CYRIB: variants seen among roughly 807,000 people sequenced by gnomAD.
CYRIB encodes CYFIP related Rac1 interactor B, also known as CYFIP-related Rac1 interactor B.
Under a neutral mutation model 44.2 loss-of-function variants are expected in CYRIB, and 8 were observed. The ratio of observed to expected loss-of-function variants is 0.18; its 90% CI spans 0.11 to 0.33. CYRIB has a LOEUF of 0.33. Among genes scored for constraint, CYRIB ranks in the 10% least tolerant of loss-of-function variants. The pLI, the probability that CYRIB is intolerant of heterozygous loss-of-function variation, is 1.00. For synonymous variants in CYRIB, 131 were observed against 127.2 expected, an observed-to-expected ratio of 1.03 and a Z score of -0.20; for missense variants, 185 against 382.8, an observed-to-expected ratio of 0.48 and a Z score of 4.31.
chr8:129,859,874 G>A (rs2048402398), intron 5 of CYRIB, among the ~76,000 whole-genome samples: 1 of 152,224 alleles, frequency 6.6e-6, no homozygotes, highest in South Asian at 2.1e-4. Flanking sequence ...CGTGTCCTCG[G>A]TCTCTTGCCT....
At chr8:129,868,050 A>G (rs2054806632) in intron 4 of CYRIB, among the ~76,000 whole-genome samples, 1 of 152,216 alleles carries the variant, frequency 6.6e-6, no homozygotes, top group Non-Finnish European at 1.5e-5. Context: ...GCTTTTTTAT[A>G]GGTAGAATAG....
At chr8:129,913,987 T>C (rs1212478698) in intron 1 of CYRIB, among the ~76,000 whole-genome samples, 1 of 152,202 alleles carries the variant, frequency 6.6e-6, no homozygotes, top group Non-Finnish European at 1.5e-5. Flanking sequence ...GTTTTATCCT[T>C]TTCTCCAATT....
chr8:129,883,024 C>T (rs746028498), intron 2 of CYRIB, among the ~76,000 whole-genome samples: 3 of 149,066 alleles, frequency 2.0e-5, no homozygotes, highest in South Asian at 2.1e-4. Flanking sequence ...AGTGAAACCC[C>T]GTCTCTACTA....
intron 2 of CYRIB, among the ~76,000 whole-genome samples, chr8:129,954,775 T>C (rs2094702662): frequency 1.3e-5 from 2 of 152,178 alleles, no homozygotes; most frequent in Admixed American, 1.3e-4. Context: ...CAAAGGTTAG[T>C]CTACATCACT....
chr8:129,840,589 A>G (rs1252288294), exon 12 of CYRIB: 1 of 152,268 alleles, frequency 6.6e-6, no homozygotes, highest in Non-Finnish European at 1.5e-5. Flanking sequence ...GTTATCCAGA[A>G]GGCTTCATGA....
intron 1 of CYRIB, among the ~76,000 whole-genome samples, chr8:129,923,020 G>C (rs1405650542): frequency 6.7e-6 from 1 of 150,184 alleles, no homozygotes. Flanking sequence ...ACCTGAGGTC[G>C]GGAGCTCTAG....
Position 129,892,383 on chromosome 8 carries a change from A to G in CYRIB, c.-11+10929T>C, listed in dbSNP as rs1007371168. ...TGCAAACATTATTTTAAAATCTATGAATGCAAAATGAATTTTATTTCATGT... is the reference window on the plus strand; with the variant it reads ...TGCAAACATTATTTTAAAATCTATGGATGCAAAATGAATTTTATTTCATGT... On this transcript the variant is annotated intron_variant, in intron 2 of 11. Coordinates refer to ENST00000519824, the Ensembl canonical transcript of CYRIB. 2.6e-5 allele frequency among the ~76,000 whole-genome samples: 4 copies of G among 152,320 alleles called. No individual in the cohort carries two copies. In the South Asian group the frequency reaches 8.3e-4, roughly 32 times the overall value.
Position 129,854,362 on chromosome 8 carries a change from G to A in CYRIB, c.439-19C>T. On this transcript the variant is annotated intron_variant, in intron 6 of 11. Transcript: ENST00000519824. ...TTGTCATCTGAAGAAGACAGTTGTG[G>A]AAAAAAAATGTTATGTACTAAATGC... The A allele has an allele frequency of 4.5e-6, 7 of 1,565,866 alleles. No homozygotes were observed. The highest frequency in any genetic ancestry group is 2.3e-5 in the East Asian group (1 of 43,708).
chr8:129,889,623 G>C (rs541212837), intron 2 of CYRIB, among the ~76,000 whole-genome samples: 1 of 152,092 alleles, frequency 6.6e-6, no homozygotes, highest in African/African-American at 2.4e-5. Flanking sequence ...TGTGAGGGGG[G>C]TTCAAGACTT....
intron 2 of CYRIB, among the ~76,000 whole-genome samples, chr8:129,902,767 A>G (rs1240736705): frequency 6.6e-6 from 1 of 152,194 alleles, no homozygotes; most frequent in East Asian, 1.9e-4. Context: ...TTGAATACTT[A>G]ATAACTTGTT....
In CYRIB at chr8:130,009,392, C is replaced by T. The variant is rs535808686; in HGVS notation, c.-296+6978G>A. Among the ~76,000 whole-genome samples, 52 of 152,096 alleles carry T rather than the reference C, an allele frequency of 3.4e-4. 1 individual carries two copies. The South Asian group carries it at 0.01, about 30-fold the overall frequency. On this transcript the variant is annotated intron_variant, in intron 1 of 14. Coordinates refer to the CYRIB transcript ENST00000401979. ...AAGCAATTCTCCTGCCTCAGCCTCC[C>T]GAGTAGCTGGGATTACAGGTGCCAG...
intron 2 of CYRIB, among the ~76,000 whole-genome samples, chr8:129,952,871 T>C (rs565041336): frequency 2.3e-4 from 35 of 152,332 alleles, no homozygotes; most frequent in African/African-American, 6.7e-4. Flanking sequence ...CCTAGGTTGA[T>C]AGAATTTCCC....
chr8:129,957,554 G>T (rs373621368), intron 2 of CYRIB, among the ~76,000 whole-genome samples: 1 of 152,012 alleles, frequency 6.6e-6, no homozygotes, highest in South Asian at 2.1e-4. Flanking sequence ...TTTTATTGCC[G>T]GCACGATGGC....
At chr8:129,943,278 G>T (rs528948501), upstream of CYRIB, among the ~76,000 whole-genome samples, 35 of 152,140 alleles carry the variant, frequency 2.3e-4, no homozygotes, top group South Asian at 7.1e-3. Context: ...GGACAATTGT[G>T]AAGGCTTCAG....
At chr8:130,006,605 T>TATATATAC (rs374570395) in intron 1 of CYRIB, among the ~76,000 whole-genome samples, 1 of 23,336 alleles carries the variant, frequency 4.3e-5, no homozygotes. Context: ...TATATATATA[T>TATATATAC]ACATATATAT....
At chr8:129,930,379 A>ATATATATATTTTTTTTTT (rs971468534) in intron 1 of CYRIB, among the ~76,000 whole-genome samples, 1 of 130,136 alleles carries the variant, frequency 7.7e-6, no homozygotes, top group African/African-American at 2.8e-5. Context: ...ATATATATAT[A>ATATATATATTTTTTTTTT]TTTTAATTAT....
chr8:129,865,477 A>AG (rs1454405441), intron 4 of CYRIB, among the ~76,000 whole-genome samples: 6 of 152,226 alleles, frequency 3.9e-5, no homozygotes, highest in African/African-American at 1.4e-4. Context: ...TACGTAGAAA[A>AG]ACATGGACTC....
chr8:130,010,993 A>G (rs1592493472), intron 1 of CYRIB, among the ~76,000 whole-genome samples: 2 of 152,188 alleles, frequency 1.3e-5, no homozygotes, highest in Middle Eastern at 6.8e-3. Flanking sequence ...GTTCTCTTCC[A>G]ACTCCTCCCT....
intron 1 of CYRIB, among the ~76,000 whole-genome samples, chr8:129,972,240 G>A (rs1214833210): frequency 1.3e-5 from 2 of 152,182 alleles, no homozygotes; most frequent in Non-Finnish European, 2.9e-5. Context: ...TATGGCATGA[G>A]TGTGGTTTCA....
Sources: allele counts gnomAD v4.1 joint callset (sites outside exome capture counted in the v4.1 genomes callset), GRCh38; gene constraint gnomAD v4.1.1; transcripts MANE v1.5; gene names NCBI Gene and HGNC (gene_info 2026-07-23, HGNC 2026-07-21).